The following ABCA8 variants were observed in gnomAD, a reference collection of about 807,000 sequenced individuals.
ABCA8 encodes the protein ABC-type organic anion transporter ABCA8.
Under a neutral mutation model 192.3 loss-of-function variants are expected in ABCA8, and 177 were observed. The ratio of observed to expected loss-of-function variants is 0.92; its 90% confidence interval spans 0.81 to 1.04. The LOEUF (loss-of-function observed/expected upper bound fraction) is 1.04, where lower values mean the gene tolerates loss of function less well. ABCA8 is among the 50% of genes least tolerant of loss of function. ABCA8 has a pLI of 0.00. For missense variants in ABCA8, 1,915 were observed against 1,904.8 expected, an observed-to-expected ratio of 1.01 and a Z score of -0.10; for synonymous variants, 642 against 690.2, an observed-to-expected ratio of 0.93 and a Z score of 1.09.
intron 28 of ABCA8, among the ~76,000 whole-genome samples, 200 bp from the exon 29 acceptor site, chr17:68,884,082 T>C (rs1238559215): frequency 6.6e-6 from 1 of 152,216 alleles, no homozygotes; most frequent in African/African-American, 2.4e-5. Flanking sequence ...ACAACTATAG[T>C]TATGTGATAT....
At chr17:68,945,400 A>G (rs757170142) in intron 2 of ABCA8, among the ~76,000 whole-genome samples, 23 of 151,892 alleles carry the variant, frequency 1.5e-4, no homozygotes, top group Non-Finnish European at 1.5e-5. Flanking sequence ...GCTGCTAGTT[A>G]TTAATTTTGT....
intron 23 of ABCA8, 46 bp from the exon 24 acceptor site, chr17:68,891,642 G>C: frequency 7.0e-7 from 1 of 1,424,762 alleles, no homozygotes; most frequent in Non-Finnish European, 9.7e-7. Flanking sequence ...GAAATTTAAA[G>C]TTAATTTTCT....
At chr17:68,954,196 C>CGAGAT in intron 1 of ABCA8, among the ~76,000 whole-genome samples, 1 of 120,808 alleles carries the variant, frequency 8.3e-6, no homozygotes, top group South Asian at 3.1e-4. Flanking sequence ...CTCCCCCCAC[C>CGAGAT]CCACAACAGT....
chr17:68,940,996 C>G, intron 3 of ABCA8, 34 bp from the exon 4 acceptor site: 2 of 1,514,914 alleles, frequency 1.3e-6, no homozygotes, highest in Non-Finnish European at 9.0e-7. Context: ...AAAGAAAAGT[C>G]TTATTTAAAA....
At chr17:68,923,358 C>T (rs763520011) in intron 11 of ABCA8, among the ~76,000 whole-genome samples, 17 of 152,002 alleles carry the variant, frequency 1.1e-4, no homozygotes, top group Non-Finnish European at 2.1e-4. Flanking sequence ...TAGCACCATG[C>T]TTGGCTAATT....
intron 30 of ABCA8, among the ~76,000 whole-genome samples, 156 bp from the exon 31 acceptor site, chr17:68,882,136 C>T (rs1464550434): frequency 6.6e-6 from 1 of 152,182 alleles, no homozygotes; most frequent in Non-Finnish European, 1.5e-5. Context: ...CATGCCCTAT[C>T]CTAACACTTG....
intron 1 of ABCA8, among the ~76,000 whole-genome samples, chr17:68,953,316 C>T (rs748137907): frequency 9.2e-5 from 14 of 152,162 alleles, no homozygotes; most frequent in Non-Finnish European, 1.5e-4. Context: ...GATCTCCCTC[C>T]GTATGCATGC....
chr17:68,891,330 T>C (rs1187367813), intron 24 of ABCA8, among the ~76,000 whole-genome samples, 159 bp downstream of exon 24: 1 of 152,220 alleles, frequency 6.6e-6, no homozygotes, highest in Non-Finnish European at 1.5e-5. Context: ...TATCTATATA[T>C]TTCAACTTAT....
At chr17:68,920,596 C>A (rs1242889283) in intron 13 of ABCA8, among the ~76,000 whole-genome samples, 2 of 152,030 alleles carry the variant, frequency 1.3e-5, no homozygotes, top group Admixed American at 6.5e-5. Flanking sequence ...AATAAAATTC[C>A]ATTTTTCCCT....
chr17:68,882,034 G>T lies in ABCA8; in HGVS notation c.3829-54C>A, dbSNP rs576986501. 185 of 1,474,906 alleles carry T rather than the reference G, an allele frequency of 1.3e-4. No individual in the cohort carries two copies. In the African/African-American group the frequency reaches 2.2e-3, roughly 18 times the overall value. 91.4% of individuals were successfully genotyped at this position (1,474,906 alleles called of 1,614,324 possible). A position where few individuals can be genotyped will look rare whatever the true frequency, so the allele number is the denominator to read the frequency against. On this transcript the variant is annotated intron_variant, in intron 30 of 39. Transcript: ENST00000586539. ...GACCTTAATTCTCTCCATTAGCTTT[G>T]AAACAAAATTCCATCTTCCCATTGG... is the stretch of plus-strand genomic sequence containing the variant.
intron 37 of ABCA8, among the ~76,000 whole-genome samples, chr17:68,873,008 T>C (rs1041462368): frequency 2.0e-5 from 3 of 152,198 alleles, no homozygotes; most frequent in African/African-American, 7.2e-5. Context: ...AAAGTAAATT[T>C]AGTGTAGCCT....
At chr17:68,946,366 G>A (rs11658489) in intron 2 of ABCA8, among the ~76,000 whole-genome samples, 57,550 of 151,952 alleles carry the variant, frequency 0.38, 12,875 homozygotes, top group Non-Finnish European at 0.51. Context: ...GCACCCAGCC[G>A]CTTTTTACCA....
rs1364444093 is a variant in ABCA8, at chr17:68,893,732, TTTC to T, written c.3036+438_3036+440del. Among the ~76,000 whole-genome samples the T allele has an allele frequency of 2.4e-3, 358 of 149,950 alleles. 4 individuals carry two copies. Among genetic ancestry groups the T allele is most frequent in the African/African-American group, 8.4e-3 (346 of 40,982 alleles). ...TTGCTTCATATTCTCTTTTTTTTTT[TTTC>T]CTTTTCTTTTTTTATTATACTTTAG... On this transcript the variant is annotated intron_variant, in intron 23 of 39. Coordinates refer to ENST00000586539, the MANE Select transcript of ABCA8 (RefSeq NM_001288985.2).
intron 2 of ABCA8, among the ~76,000 whole-genome samples, chr17:68,942,727 C>G (rs1213272351): frequency 6.6e-6 from 1 of 152,122 alleles, no homozygotes; most frequent in Admixed American, 6.6e-5. Flanking sequence ...ATTGTCAATA[C>G]CTTATCTCCT....
intron 10 of ABCA8, 91 bp from the exon 11 acceptor site, chr17:68,924,960 G>T: frequency 1.1e-5 from 15 of 1,362,242 alleles, no homozygotes; most frequent in Non-Finnish European, 1.4e-5. Flanking sequence ...ACAGCCCTTT[G>T]TTGCTAAACC....
chr17:68,909,770 G>C (rs1303066944), intron 17 of ABCA8, among the ~76,000 whole-genome samples: 2 of 151,960 alleles, frequency 1.3e-5, no homozygotes, highest in African/African-American at 2.4e-5. Flanking sequence ...AACTTTCTAG[G>C]ACTTAAACAA....
intron 10 of ABCA8, 107 bp from the exon 11 acceptor site, chr17:68,924,976 A>G: frequency 8.4e-7 from 1 of 1,197,382 alleles, no homozygotes; most frequent in Non-Finnish European, 1.2e-6. Flanking sequence ...AAACCTGAAC[A>G]TGTGGTCAAC....
At chr17:68,944,148 C>T (rs1416504105) in intron 2 of ABCA8, among the ~76,000 whole-genome samples, 1 of 150,586 alleles carries the variant, frequency 6.6e-6, no homozygotes, top group Non-Finnish European at 1.5e-5. Flanking sequence ...ACACTGGGTC[C>T]TGTTGGGGGG....
At chr17:68,876,304 C>T in intron 35 of ABCA8, 156 bp downstream of exon 35, 2 of 712,376 alleles carry the variant, frequency 2.8e-6, no homozygotes, top group South Asian at 2.1e-5. Context: ...AGGGAAAGAT[C>T]TTTTTTTTTT....
Sources: allele counts gnomAD v4.1 joint callset (sites outside exome capture counted in the v4.1 genomes callset), GRCh38; gene constraint gnomAD v4.1.1; transcripts MANE v1.5; gene names NCBI Gene and HGNC (gene_info 2026-07-23, HGNC 2026-07-21).